Variants in SPATS2L observed in about 807,000 individuals in gnomAD.
The protein encoded by SPATS2L is SPATS2-like protein.
In SPATS2L, 30 loss-of-function variants were observed where a neutral mutation model predicts 59.6. The ratio of observed to expected loss-of-function variants is 0.50; its 90% CI spans 0.38 to 0.68. The LOEUF is 0.68. SPATS2L is among the 30% of genes least tolerant of loss of function. The probability of loss-of-function intolerance (pLI) is 0.00; values close to 1 mark genes in which losing one functional copy is unlikely to be tolerated. For synonymous variants in SPATS2L, 252 were observed against 263.5 expected (o/e 0.96, Z 0.42); for missense variants, 615 against 700.0 (o/e 0.88, Z 1.37).
chr2:200,332,496 C>T (rs1166556050), intron 2 of SPATS2L, among the ~76,000 whole-genome samples: 1 of 152,122 alleles, frequency 6.6e-6, no homozygotes, highest in African/African-American at 2.4e-5. Context: ...ATCCTCCCAC[C>T]TTGGTCTCCC....
At chr2:200,360,249 A>T (rs295147) in intron 2 of SPATS2L, among the ~76,000 whole-genome samples, 148,681 of 152,310 alleles carry the variant, frequency 0.98, 72,672 homozygotes, top group Middle Eastern at 1. Context: ...AAAATTGTTT[A>T]CTAGTTTCCT....
chr2:200,452,894 A>T (rs1413761095), intron 8 of SPATS2L, among the ~76,000 whole-genome samples: 3 of 2,638 alleles, frequency 1.1e-3, no homozygotes, highest in South Asian at 0.056. Context: ...GCTGCATTTA[A>T]AAAAAAAAAA....
At position 200,375,027 on chromosome 2, in the gene SPATS2L, G is replaced by T. The variant is rs2081551534; in HGVS notation, c.-22-14196G>T. On this transcript the variant is annotated intron_variant, in intron 2 of 12. Transcript: ENST00000409140. Reference sequence around the variant, plus strand: ...TCTGGTACTTTCTGAACTTCCCCCAGTGTGAGTTGAGCCATAGGGCAGGCT... The same window carrying T: ...TCTGGTACTTTCTGAACTTCCCCCATTGTGAGTTGAGCCATAGGGCAGGCT... 3.9e-5 allele frequency among the ~76,000 whole-genome samples: 6 copies of T among 152,326 alleles called. No homozygotes were observed. The South Asian group carries it at 1.0e-3, about 26-fold the overall frequency.
chr2:200,327,297 G>A (rs983942612), intron 1 of SPATS2L, among the ~76,000 whole-genome samples: 14 of 151,972 alleles, frequency 9.2e-5, no homozygotes, highest in African/African-American at 3.4e-4. Flanking sequence ...CCAGCTACTT[G>A]AGAGGCCAAG....
At chr2:200,466,066 A>G (rs140567491) in intron 9 of SPATS2L, among the ~76,000 whole-genome samples, 1 of 152,340 alleles carries the variant, frequency 6.6e-6, no homozygotes, top group African/African-American at 2.4e-5. Flanking sequence ...CAGTCTGTCT[A>G]AAGAATGGTT....
chr2:200,372,950 G>A (rs1377710242), intron 2 of SPATS2L, among the ~76,000 whole-genome samples: 2 of 152,196 alleles, frequency 1.3e-5, no homozygotes, highest in East Asian at 1.9e-4. Context: ...ACCTGGCACA[G>A]AGCAGGTGCC....
chr2:200,338,071 C>G (rs930513179), intron 2 of SPATS2L, among the ~76,000 whole-genome samples: 5 of 152,210 alleles, frequency 3.3e-5, no homozygotes, highest in African/African-American at 1.2e-4. Context: ...GTTGCTCAGG[C>G]TGGAGTGCAG....
intron 2 of SPATS2L, among the ~76,000 whole-genome samples, chr2:200,367,540 A>C (rs1384248837): frequency 6.6e-6 from 1 of 152,232 alleles, no homozygotes; most frequent in Non-Finnish European, 1.5e-5. Context: ...TTTTCAAGAA[A>C]ATAAGAGTAT....
rs942226108 is a variant in SPATS2L at position 200,364,422 on chromosome 2, C to T, written c.-22-24801C>T. ...TAGTGATGTATCTCCGCCTTGCCAG[C>T]GTTCAGACGGGCAAGATTTCCCACT... On this transcript the variant is annotated intron_variant, in intron 2 of 12. Coordinates refer to ENST00000409140, the MANE Select transcript of SPATS2L (RefSeq NM_001100423.2). Among the ~76,000 whole-genome samples, 21 of 151,150 alleles carry T rather than the reference C, an allele frequency of 1.4e-4. No individual in the cohort carries two copies. In the East Asian group the frequency reaches 3.3e-3, roughly 24 times the overall value.
intron 8 of SPATS2L, among the ~76,000 whole-genome samples, chr2:200,450,237 C>T (rs2085344415): frequency 6.6e-6 from 1 of 152,146 alleles, no homozygotes; most frequent in African/African-American, 2.4e-5. Flanking sequence ...AATCACTAGC[C>T]TGGCCCATAA....
chr2:200,381,740 C>T (rs1485768797), intron 2 of SPATS2L, among the ~76,000 whole-genome samples: 7 of 152,230 alleles, frequency 4.6e-5, no homozygotes, highest in East Asian at 1.9e-4. Context: ...TGACTTCCTA[C>T]GCACAAAATC....
In SPATS2L at chr2:200,459,740, CTTTTGT is replaced by C. The variant is rs754381610; in HGVS notation, c.789-12_789-7del. ...TTTATCTTTGATTAAGCATTCTTTG[CTTTTGT>C]TTTTGTTTTTGTTTTTCCCCAGCAT... On this transcript the variant is annotated intron_variant, in intron 8 of 12. Transcript: ENST00000409140. 5.6e-5 allele frequency: 88 copies of C among 1,570,736 alleles called. 1 individual carries two copies. Among genetic ancestry groups the C allele is most frequent in the South Asian group, 3.4e-4 (30 of 87,714 alleles).
At chr2:200,385,847 C>T (rs902454868) in intron 2 of SPATS2L, among the ~76,000 whole-genome samples, 5 of 152,106 alleles carry the variant, frequency 3.3e-5, no homozygotes, top group South Asian at 4.1e-4. Context: ...CGCCCGCCAC[C>T]ACACCCAGCT....
chr2:200,342,138 G>A lies in SPATS2L; in HGVS notation c.-23+12658G>A, dbSNP rs557823418. ...CAGTGTCTATTCACCATATACCATG[G>A]ACTTATCACTAACTATCACTCACTG... On this transcript the variant is annotated intron_variant, in intron 2 of 12. Transcript: ENST00000409140. 2.0e-5 allele frequency among the ~76,000 whole-genome samples: 3 copies of A among 152,142 alleles called. No homozygotes were observed. The South Asian group carries it at 6.2e-4, about 32-fold the overall frequency.
In SPATS2L at chr2:200,373,164, A is replaced by G. The variant is rs538017246; in HGVS notation, c.-22-16059A>G. 73 of 152,056 alleles carry G rather than the reference A, an allele frequency of 4.8e-4. 1 individual carries two copies. Among genetic ancestry groups the G allele is most frequent in the African/African-American group, 1.7e-3 (70 of 41,484 alleles). The allele number at this position is 152,056 out of a possible 1,614,324, so 9.4% of individuals were successfully genotyped here. A position where few individuals can be genotyped will look rare whatever the true frequency, so the allele number is the denominator to read the frequency against. On this transcript the variant is annotated intron_variant, in intron 2 of 12. Coordinates refer to ENST00000409140, the MANE Select transcript of SPATS2L (RefSeq NM_001100423.2). ...TACAGCATGGCTTTAGGATTCTTCA[A>G]AAACTAACTACGTTGGTCTGATGGT...
rs1301682731 is a variant in SPATS2L at position 200,439,206 on chromosome 2, T to C, written c.530T>C (p.Leu177Pro). The C allele has an allele frequency of 1.9e-6, 3 of 1,613,672 alleles. No individual in the cohort carries two copies. The Admixed American group carries it at 5.0e-5, about 27-fold the overall frequency. Residue 177 changes from leucine (L) to proline (P), a missense_variant, in exon 7 of 13, where the codon CTA becomes CCA. This residue lies in a region of SPATS2L where 227 missense variants were observed against 257.4 expected (regional missense o/e 0.88). Coordinates refer to ENST00000409140, the MANE Select transcript of SPATS2L (RefSeq NM_001100423.2). ...IHGTTERSDG[L>P]QWSAEQPCNP... ...GGAACAACAGAGAGGTCAGATGGCC[T>C]ACAGTGGTCAGCTGAGCAGCCTTGT...
intron 2 of SPATS2L, among the ~76,000 whole-genome samples, chr2:200,339,274 G>A: frequency 6.6e-6 from 1 of 151,950 alleles, no homozygotes; most frequent in Non-Finnish European, 1.5e-5. Context: ...CTTTATGGAA[G>A]TAGGCCACAA....
chr2:200,333,071 A>G (rs1378375166), intron 2 of SPATS2L, among the ~76,000 whole-genome samples: 1 of 152,068 alleles, frequency 6.6e-6, no homozygotes. Context: ...GTTTGAGCCC[A>G]GGAGTTCAAG....
At chr2:200,430,052 A>G (rs1334762962) in intron 6 of SPATS2L, among the ~76,000 whole-genome samples, 4 of 152,118 alleles carry the variant, frequency 2.6e-5, no homozygotes, top group Admixed American at 1.3e-4. Flanking sequence ...AGAACACTAT[A>G]TGCTTTTCTT....
Sources: gnomAD v4.1 joint callset for allele counts (sites outside exome capture counted in the v4.1 genomes callset) on GRCh38, gnomAD v4.1.1 for gene constraint, gnomAD v4.1.1 regional missense constraint, MANE v1.5 for transcripts, NCBI Gene and HGNC (gene_info 2026-07-23, HGNC 2026-07-21) for gene names.